The following ROBO2 variants were observed in gnomAD, a reference collection of about 807,000 sequenced individuals.
The protein encoded by ROBO2 is roundabout guidance receptor 2, also known as roundabout homolog 2.
ROBO2 carries 53 observed loss-of-function variants against 160.8 expected under a neutral mutation model. That is an observed-to-expected ratio of 0.33 (90% confidence interval 0.26 to 0.41). The LOEUF is 0.41. Among genes scored for constraint, ROBO2 ranks in the 10% least tolerant of loss-of-function variants. ROBO2 has a pLI of 1.00. For missense variants in ROBO2, 1,577 were observed against 1,722.4 expected (o/e 0.92, Z 1.49); for synonymous variants, 664 against 611.7 (o/e 1.09, Z -1.26).
At chr3:76,275,893 A>T (rs1287971683) in intron 2 of ROBO2, among the ~76,000 whole-genome samples, 4 of 152,096 alleles carry the variant, frequency 2.6e-5, no homozygotes, top group Admixed American at 2.6e-4. Context: ...CAATGTGCTT[A>T]TAAAATGTAA....
chr3:77,407,094 G>A (rs2076315779), intron 2 of ROBO2, among the ~76,000 whole-genome samples: 1 of 152,086 alleles, frequency 6.6e-6, no homozygotes, highest in Non-Finnish European at 1.5e-5. Flanking sequence ...CCAAAGTGCT[G>A]GAATTACAAG....
At chr3:77,554,913 T>G (rs1001899018) in intron 8 of ROBO2, among the ~76,000 whole-genome samples, 2 of 151,994 alleles carry the variant, frequency 1.3e-5, no homozygotes, top group African/African-American at 4.8e-5. Flanking sequence ...CATTTTACTG[T>G]GGATAAAATG....
intron 2 of ROBO2, among the ~76,000 whole-genome samples, chr3:76,962,583 A>G (rs2079749160): frequency 6.7e-6 from 1 of 149,396 alleles, no homozygotes; most frequent in South Asian, 2.1e-4. Flanking sequence ...GGTTGTGGTG[A>G]GCCAAGATCG....
At chr3:77,457,250 G>A (rs929450024) in intron 2 of ROBO2, among the ~76,000 whole-genome samples, 11 of 152,136 alleles carry the variant, frequency 7.2e-5, no homozygotes, top group Admixed American at 5.9e-4. Context: ...ATTTTGGGTT[G>A]TCAAGAAACT....
intron 2 of ROBO2, among the ~76,000 whole-genome samples, chr3:76,727,124 A>G (rs534330000): frequency 9.1e-6 from 1 of 109,402 alleles, no homozygotes; most frequent in Non-Finnish European, 2.3e-5. Flanking sequence ...TCATTGTCTC[A>G]AAGAATATAA....
chr3:76,918,109 T>C (rs1488538781), intron 2 of ROBO2, among the ~76,000 whole-genome samples: 1 of 152,154 alleles, frequency 6.6e-6, no homozygotes, highest in Non-Finnish European at 1.5e-5. Context: ...ATATGAACTA[T>C]ATTGGTTTAA....
intron 2 of ROBO2, among the ~76,000 whole-genome samples, chr3:76,779,484 C>A (rs748220382): frequency 2.7e-5 from 4 of 150,838 alleles, no homozygotes; most frequent in Non-Finnish European, 6.0e-5. Context: ...AAACTTTGCA[C>A]CCCTTAAACA....
intron 2 of ROBO2, among the ~76,000 whole-genome samples, chr3:76,399,961 C>A (rs897408772): frequency 6.6e-6 from 1 of 151,560 alleles, no homozygotes; most frequent in Non-Finnish European, 1.5e-5. Flanking sequence ...TGGCTTTACT[C>A]CATAAATTCA....
At chr3:77,053,420 A>G (rs987856077) in intron 1 of ROBO2, among the ~76,000 whole-genome samples, 5 of 152,174 alleles carry the variant, frequency 3.3e-5, no homozygotes, top group Non-Finnish European at 5.9e-5. Context: ...TCATCTGAAT[A>G]TGAGAACAAA....
At chr3:76,057,872 T>G (rs780165768) in intron 2 of ROBO2, among the ~76,000 whole-genome samples, 2 of 152,236 alleles carry the variant, frequency 1.3e-5, no homozygotes, top group Non-Finnish European at 2.9e-5. Flanking sequence ...CAAATGTTTT[T>G]GTTTAGCTGT....
At chr3:76,498,616 A>G (rs909474641) in intron 2 of ROBO2, among the ~76,000 whole-genome samples, 2 of 151,732 alleles carry the variant, frequency 1.3e-5, no homozygotes, top group Non-Finnish European at 2.9e-5. Context: ...GAATCTTGGC[A>G]TATAAACTTT....
intron 2 of ROBO2, among the ~76,000 whole-genome samples, chr3:76,784,589 C>T (rs996938039): frequency 4.0e-5 from 6 of 151,154 alleles, no homozygotes; most frequent in Middle Eastern, 3.4e-3. Flanking sequence ...TATTGAGTAC[C>T]ATGCATGGAG....
At chr3:77,437,055 T>A (rs980184656) in intron 2 of ROBO2, among the ~76,000 whole-genome samples, 1 of 152,040 alleles carries the variant, frequency 6.6e-6, no homozygotes, top group East Asian at 1.9e-4. Flanking sequence ...ATGGAATTCA[T>A]GCAAGAAAAT....
chr3:76,642,719 A>G (rs897643651), intron 2 of ROBO2, among the ~76,000 whole-genome samples: 2 of 152,176 alleles, frequency 1.3e-5, no homozygotes, highest in Non-Finnish European at 2.9e-5. Context: ...TAACCATGGA[A>G]AAAGAAGTGA....
intron 2 of ROBO2, among the ~76,000 whole-genome samples, chr3:76,749,920 A>T (rs571225878): frequency 2.6e-4 from 39 of 152,180 alleles, no homozygotes; most frequent in Non-Finnish European, 4.0e-4. Context: ...CGACAGGAAA[A>T]GAGGGAATCC....
chr3:76,894,875 C>T (rs2074643561), intron 2 of ROBO2, among the ~76,000 whole-genome samples: 2 of 152,032 alleles, frequency 1.3e-5, no homozygotes, highest in Admixed American at 1.3e-4. Flanking sequence ...TCAATTCAAC[C>T]AGAAACAAAT....
intron 2 of ROBO2, among the ~76,000 whole-genome samples, chr3:77,214,921 G>C (rs2151134639): frequency 6.6e-6 from 1 of 151,936 alleles, no homozygotes; most frequent in South Asian, 2.1e-4. Flanking sequence ...ACTCTCTTCT[G>C]GCTTGTAGAG....
chr3:76,397,738 T>C (rs1432078284), intron 2 of ROBO2, among the ~76,000 whole-genome samples: 4 of 152,158 alleles, frequency 2.6e-5, no homozygotes, highest in African/African-American at 9.7e-5. Flanking sequence ...TCACCATCAC[T>C]GGCCATCAGA....
intron 2 of ROBO2, among the ~76,000 whole-genome samples, chr3:75,943,052 A>G (rs1008123192): frequency 1.7e-4 from 26 of 152,248 alleles, no homozygotes; most frequent in Non-Finnish European, 1.0e-4. Flanking sequence ...TTTATAATTT[A>G]GATTAGATGA....
Sources: allele counts gnomAD v4.1 joint callset (sites outside exome capture counted in the v4.1 genomes callset), GRCh38; gene constraint gnomAD v4.1.1; transcripts MANE v1.5; gene names NCBI Gene and HGNC (gene_info 2026-07-23, HGNC 2026-07-21).